The following TBC1D22A variants were observed in gnomAD, a reference collection of about 807,000 sequenced individuals.
TBC1D22A encodes the protein TBC1 domain family member 22A.
A neutral mutation model predicts 60.2 loss-of-function variants in TBC1D22A; 38 were observed. That is an observed-to-expected ratio of 0.63 (90% CI 0.49 to 0.83). The LOEUF (loss-of-function observed/expected upper bound fraction) is 0.83, where lower values mean the gene tolerates loss of function less well. Among genes scored for constraint, TBC1D22A ranks in the 40% least tolerant of loss-of-function variants. The pLI, the probability that TBC1D22A is intolerant of heterozygous loss-of-function variation, is 0.00. For synonymous variants in TBC1D22A, 302 were observed against 281.7 expected, an observed-to-expected ratio of 1.07 and a Z score of -0.72; for missense variants, 628 against 701.0, an observed-to-expected ratio of 0.90 and a Z score of 1.18.
chr22:46,862,417 T>C (rs1351852135), intron 4 of TBC1D22A, among the ~76,000 whole-genome samples: 1 of 151,918 alleles, frequency 6.6e-6, no homozygotes, highest in African/African-American at 2.4e-5. Context: ...ATTTGGAGAT[T>C]TTCTCTTGCC....
Position 46,957,118 on chromosome 22 carries a change from T to C in TBC1D22A, c.1016-17172T>C, listed in dbSNP as rs190696224. On this transcript the variant is annotated intron_variant, in intron 8 of 12. Transcript: ENST00000337137. Reference sequence around the variant, plus strand: ...TTAGAGAGGGACGCGGTCTCCACCTTCCAGCCAGCTGATGTACCCATTGCA... The same window carrying C: ...TTAGAGAGGGACGCGGTCTCCACCTCCCAGCCAGCTGATGTACCCATTGCA... 2.2e-3 allele frequency among the ~76,000 whole-genome samples: 336 copies of C among 152,286 alleles called. 2 individuals carry two copies. Among genetic ancestry groups the C allele is most frequent in the African/African-American group, 7.9e-3 (327 of 41,568 alleles).
At chr22:46,885,641 A>C (rs977590626) in intron 5 of TBC1D22A, among the ~76,000 whole-genome samples, 1 of 152,172 alleles carries the variant, frequency 6.6e-6, no homozygotes, top group Non-Finnish European at 1.5e-5. Flanking sequence ...AGCTGGCTTG[A>C]ACTTGAAGTA....
At chr22:46,913,259 T>A in intron 8 of TBC1D22A, 1 of 1,164,924 alleles carries the variant, frequency 8.6e-7, no homozygotes, top group South Asian at 1.3e-5. Flanking sequence ...AGCATTTTAA[T>A]TTAAACCTGG....
At chr22:47,081,733 G>A (rs375629368) in intron 11 of TBC1D22A, among the ~76,000 whole-genome samples, 1 of 151,960 alleles carries the variant, frequency 6.6e-6, no homozygotes, top group Admixed American at 6.6e-5. Context: ...AAATACTTAG[G>A]GATAAATTTA....
intron 4 of TBC1D22A, among the ~76,000 whole-genome samples, chr22:46,802,235 G>C (rs1303112051): frequency 6.6e-6 from 1 of 152,208 alleles, no homozygotes; most frequent in Non-Finnish European, 1.5e-5. Flanking sequence ...AGGCTTGCGA[G>C]GGCCCTGCCC....
rs115848121 is a variant in TBC1D22A at position 46,903,194 on chromosome 22, G to A, written c.900+8348G>A. On this transcript the variant is annotated intron_variant, in intron 7 of 12. Transcript: ENST00000337137. ...GGGGGTCACAGACCTCAGCCTGGTG[G>A]GCGTTCGGGACCGAGGGCTGAGGGC... is the stretch of plus-strand genomic sequence containing the variant. Among the ~76,000 whole-genome samples, 261 of 152,332 alleles carry A rather than the reference G, an allele frequency of 1.7e-3. 1 individual carries two copies. Among genetic ancestry groups the A allele is most frequent in the African/African-American group, 6.2e-3 (259 of 41,578 alleles).
At chr22:47,030,238 C>T (rs369934512) in intron 10 of TBC1D22A, among the ~76,000 whole-genome samples, 2 of 152,106 alleles carry the variant, frequency 1.3e-5, no homozygotes, top group Non-Finnish European at 2.9e-5. Flanking sequence ...CGGCTTTGTG[C>T]GGGGGGTTGA....
intron 8 of TBC1D22A, among the ~76,000 whole-genome samples, chr22:46,934,073 A>C (rs574546646): frequency 1.5e-4 from 23 of 152,380 alleles, no homozygotes; most frequent in African/African-American, 5.5e-4. Flanking sequence ...CTCGAAAGGA[A>C]AAACAAAATG....
At chr22:47,106,773 A>G (rs2065650160) in intron 11 of TBC1D22A, among the ~76,000 whole-genome samples, 1 of 152,176 alleles carries the variant, frequency 6.6e-6, no homozygotes, top group Admixed American at 6.5e-5. Flanking sequence ...CTCCATTTAT[A>G]ACTTTCGGAG....
Position 46,894,789 on chromosome 22 carries a change from CAT to C in TBC1D22A, c.845_846del (p.Ile282ArgfsTer8), listed in dbSNP as rs2068585813. Reference protein sequence around the residue: ...VHQDTYRQIHIDIPRMSPEAL... With the variant: ...VHQDTYRQIHXDIPRMSPEAL... ...CGTTTCTCCTGCTTCTCCAGATCCA[CAT>C]AGACATCCCTCGCATGAGCCCTGAA... On this transcript the variant is annotated frameshift_variant, in exon 7 of 13. Coordinates refer to ENST00000337137, the MANE Select transcript of TBC1D22A (RefSeq NM_014346.5). LOFTEE classifies it high-confidence loss of function. 1 of 1,614,256 alleles carries C rather than the reference CAT, an allele frequency of 6.2e-7. No homozygotes were observed. The highest frequency in any genetic ancestry group is 8.5e-7 in the Non-Finnish European group (1 of 1,180,040).
At chr22:46,799,857 G>A (rs903209664) in intron 4 of TBC1D22A, among the ~76,000 whole-genome samples, 6 of 152,220 alleles carry the variant, frequency 3.9e-5, no homozygotes, top group African/African-American at 7.2e-5. Flanking sequence ...GTGCTGGTGG[G>A]TCCTCACGTT....
intron 11 of TBC1D22A, among the ~76,000 whole-genome samples, chr22:47,045,195 G>A (rs549134105): frequency 6.6e-6 from 1 of 152,372 alleles, no homozygotes; most frequent in South Asian, 2.1e-4. Flanking sequence ...AAGTTACGTG[G>A]TGAGGATTGT....
intron 1 of TBC1D22A, chr22:46,763,192 T>A (rs1477005713): frequency 3.6e-6 from 1 of 280,394 alleles, no homozygotes; most frequent in Non-Finnish European, 6.7e-6. Flanking sequence ...GTCCGGAAGC[T>A]GGCCGGGCTG....
chr22:47,062,804 T>TGCA, intron 11 of TBC1D22A, among the ~76,000 whole-genome samples: 1 of 152,258 alleles, frequency 6.6e-6, no homozygotes, highest in East Asian at 1.9e-4. Context: ...CAGATGAACC[T>TGCA]GCAGGCTGCC....
chr22:47,083,757 T>C (rs1030790765), intron 11 of TBC1D22A, among the ~76,000 whole-genome samples: 1 of 152,136 alleles, frequency 6.6e-6, no homozygotes, highest in African/African-American at 2.4e-5. Flanking sequence ...TGGGAAGATA[T>C]TCAAATGGCC....
At chr22:47,069,321 T>G (rs2063879629) in intron 11 of TBC1D22A, among the ~76,000 whole-genome samples, 1 of 152,184 alleles carries the variant, frequency 6.6e-6, no homozygotes, top group Non-Finnish European at 1.5e-5. Context: ...AAAACCCAAC[T>G]TCGTTTTAGT....
At chr22:46,798,714 C>T (rs956578474) in intron 4 of TBC1D22A, among the ~76,000 whole-genome samples, 2 of 152,244 alleles carry the variant, frequency 1.3e-5, no homozygotes, top group Non-Finnish European at 2.9e-5. Context: ...CTGTATCACA[C>T]AGTTATGACT....
intron 12 of TBC1D22A, among the ~76,000 whole-genome samples, chr22:47,154,781 C>G (rs909396760): frequency 4.6e-5 from 7 of 152,240 alleles, no homozygotes; most frequent in African/African-American, 1.7e-4. Context: ...TCTTCCCCTC[C>G]CCACTCTCAG....
At chr22:46,792,870 C>T in intron 2 of TBC1D22A, 1 of 1,433,544 alleles carries the variant, frequency 7.0e-7, no homozygotes, top group Non-Finnish European at 9.1e-7. Context: ...GGCTGCAGGC[C>T]ATCCATGCTG....
Sources: allele counts gnomAD v4.1 joint callset (sites outside exome capture counted in the v4.1 genomes callset), GRCh38; gene constraint gnomAD v4.1.1; transcripts MANE v1.5; gene names NCBI Gene and HGNC (gene_info 2026-07-23, HGNC 2026-07-21).